Variants in ORC5 observed in about 807,000 individuals in gnomAD.
ORC5 encodes protein phosphatase 1, regulatory subunit 117.
In ORC5, 39 loss-of-function variants were observed where a neutral mutation model predicts 58.8. The observed-to-expected ratio is 0.66, with a 90% confidence interval of 0.51 to 0.87. ORC5 has a LOEUF of 0.87. ORC5 is among the 40% of genes least tolerant of loss of function. ORC5 has a pLI of 0.00. For synonymous variants in ORC5, 218 were observed against 177.6 expected (o/e 1.23, Z -1.81); for missense variants, 493 against 506.3 (o/e 0.97, Z 0.25).
intron 8 of ORC5, among the ~76,000 whole-genome samples, chr7:104,178,023 A>G (rs1028463437): frequency 3.9e-5 from 6 of 152,214 alleles, no homozygotes; most frequent in South Asian, 2.1e-4. Context: ...TAGTGCTGCA[A>G]TAAACATAGG....
At chr7:104,137,606 C>T (rs115301902) in intron 12 of ORC5, among the ~76,000 whole-genome samples, 2,762 of 152,054 alleles carry the variant, frequency 0.018, 87 homozygotes, top group African/African-American at 0.063. Context: ...AGTGGCTGGA[C>T]GTTAAGAGGA....
At chr7:104,174,242 T>C (rs1267397673) in intron 8 of ORC5, among the ~76,000 whole-genome samples, 1 of 152,180 alleles carries the variant, frequency 6.6e-6, no homozygotes, top group Non-Finnish European at 1.5e-5. Flanking sequence ...TTTCTAAGAA[T>C]CTACAAGAAG....
chr7:104,165,927 G>A (rs573072908), intron 10 of ORC5, among the ~76,000 whole-genome samples: 14 of 152,112 alleles, frequency 9.2e-5, no homozygotes, highest in African/African-American at 2.7e-4. Flanking sequence ...TTAGCCAGGC[G>A]TGGGGGCACA....
intron 12 of ORC5, among the ~76,000 whole-genome samples, chr7:104,144,168 T>A (rs1798718461): frequency 6.6e-6 from 1 of 152,050 alleles, no homozygotes; most frequent in African/African-American, 2.4e-5. Flanking sequence ...TACCAAATAT[T>A]TAAAGGTACT....
rs145806048 is a variant in ORC5 at position 104,190,917 on chromosome 7, T to C, written c.554-2536A>G. The stretch of plus-strand genomic sequence containing the variant: ...CTCTTGTGCCTGCCAATCAATTAGA[T>C]GCAGGTACAAGATCAAAAAATATAT... On this transcript the variant is annotated intron_variant, in intron 5 of 13. Coordinates refer to ENST00000297431, the MANE Select transcript of ORC5 (RefSeq NM_002553.4). Among the ~76,000 whole-genome samples, 1,389 of 152,026 alleles carry C rather than the reference T, an allele frequency of 9.1e-3. 21 individuals carry two copies. The highest frequency in any genetic ancestry group is 0.032 in the African/African-American group (1,325 of 41,462).
At chr7:104,188,211 C>A (rs1325123421) in intron 6 of ORC5, 40 bp downstream of exon 6, 3 of 1,416,978 alleles carry the variant, frequency 2.1e-6, no homozygotes, top group Non-Finnish European at 3.0e-6. Context: ...CACACACACA[C>A]ACACACATAT....
At chr7:104,189,109 T>TG (rs1165770503) in intron 5 of ORC5, among the ~76,000 whole-genome samples, 1 of 151,992 alleles carries the variant, frequency 6.6e-6, no homozygotes, top group African/African-American at 2.4e-5. Context: ...AGCTTCAGGA[T>TG]GGGGACTGGT....
intron 13 of ORC5, among the ~76,000 whole-genome samples, chr7:104,128,774 C>T (rs1004594018): frequency 3.4e-5 from 5 of 147,076 alleles, no homozygotes; most frequent in African/African-American, 7.5e-5. Flanking sequence ...CTTTTAACCA[C>T]GGACAGAAAA....
At position 104,204,232 on chromosome 7, in the gene ORC5, T is replaced by C. The variant is rs1455847525; in HGVS notation, c.75A>G (p.Arg25=). ...VSILQSLFGE[R]HHFSFPSIFI... is the part of the protein sequence containing the mutation. ...AAATGGATGGAAAGCTGAAATGATG[T>C]CTCTAACGAGAGAAAAGACAAATAT... is the stretch of plus-strand genomic sequence containing the variant. The change falls in exon 2 of 14, where the codon AGA becomes AGG. Residue 25 remains arginine (R), a splice_region_variant and synonymous_variant. Coordinates refer to ENST00000297431, the MANE Select transcript of ORC5 (RefSeq NM_002553.4). The C allele has an allele frequency of 6.3e-7, 1 of 1,575,146 alleles. No homozygotes were observed. Among genetic ancestry groups the C allele is most frequent in the Non-Finnish European group, 8.7e-7 (1 of 1,150,172 alleles).
At chr7:104,167,963 TA>T (rs201298952) in intron 9 of ORC5, 2 of 141,300 alleles carry the variant, frequency 1.4e-5, no homozygotes, top group South Asian at 2.2e-4. Context: ...CACTGACTTT[TA>T]AAAAAAAATT....
intron 12 of ORC5, among the ~76,000 whole-genome samples, chr7:104,150,765 AT>A (rs797011369): frequency 4.6e-5 from 7 of 152,318 alleles, no homozygotes; most frequent in African/African-American, 1.7e-4. Flanking sequence ...ATGTTCATGG[AT>A]GGCATTGTGC....
intron 8 of ORC5, among the ~76,000 whole-genome samples, chr7:104,180,356 C>T (rs560778692): frequency 6.6e-6 from 1 of 152,182 alleles, no homozygotes; most frequent in South Asian, 2.1e-4. Context: ...TGTTTTCTTA[C>T]TAGTTTTTTA....
At chr7:104,169,533 T>C (rs1799172699) in intron 8 of ORC5, among the ~76,000 whole-genome samples, 1 of 151,920 alleles carries the variant, frequency 6.6e-6, no homozygotes, top group Admixed American at 6.6e-5. Flanking sequence ...AATAAGGCAG[T>C]TTGATGCAAA....
chr7:104,148,955 A>G (rs1302292073), intron 12 of ORC5, among the ~76,000 whole-genome samples: 1 of 151,848 alleles, frequency 6.6e-6, no homozygotes, highest in African/African-American at 2.4e-5. Context: ...AATCGCTTGA[A>G]TCTGGGAGGC....
chr7:104,200,466 G>C (rs903906420), intron 3 of ORC5, among the ~76,000 whole-genome samples: 2 of 152,154 alleles, frequency 1.3e-5, no homozygotes, highest in Admixed American at 1.3e-4. Context: ...ATTTAGGTCT[G>C]TCTCAAATGC....
chr7:104,147,713 C>T (rs1366499745), intron 12 of ORC5, among the ~76,000 whole-genome samples: 1 of 152,168 alleles, frequency 6.6e-6, no homozygotes, highest in Non-Finnish European at 1.5e-5. Flanking sequence ...TAAAGGTTTG[C>T]TAGAAAACAT....
At chr7:104,168,306 C>A in intron 9 of ORC5, 167 bp downstream of exon 9, 1 of 1,196,518 alleles carries the variant, frequency 8.4e-7, no homozygotes, top group South Asian at 3.2e-5. Flanking sequence ...TAAATTAGAG[C>A]TTCAGTTAAA....
chr7:104,157,144 A>G (rs1798940092), intron 12 of ORC5, among the ~76,000 whole-genome samples: 1 of 152,012 alleles, frequency 6.6e-6, no homozygotes, highest in African/African-American at 2.4e-5. Flanking sequence ...ACTGGGAGTC[A>G]ATGGGAAGAA....
intron 5 of ORC5, among the ~76,000 whole-genome samples, chr7:104,192,344 G>A (rs1225279029): frequency 6.6e-6 from 1 of 152,164 alleles, no homozygotes; most frequent in Non-Finnish European, 1.5e-5. Context: ...TTATTGGAGA[G>A]CTATATGTCA....
Sources: allele counts gnomAD v4.1 joint callset (sites outside exome capture counted in the v4.1 genomes callset), GRCh38; gene constraint gnomAD v4.1.1; transcripts MANE v1.5; gene names NCBI Gene and HGNC (gene_info 2026-07-23, HGNC 2026-07-21).